Variants in RASGRF2 observed in about 807,000 individuals in gnomAD.
RASGRF2 encodes the protein ras-specific guanine nucleotide-releasing factor 2.
A neutral mutation model predicts 151.0 loss-of-function variants in RASGRF2; 76 were observed. That is an observed-to-expected ratio of 0.50 (90% CI 0.42 to 0.61). RASGRF2 has a LOEUF of 0.61. Among genes scored for constraint, RASGRF2 ranks in the 20% least tolerant of loss-of-function variants. The pLI, the probability that RASGRF2 is intolerant of heterozygous loss-of-function variation, is 0.00. For synonymous variants in RASGRF2, 504 were observed against 566.5 expected (o/e 0.89, Z 1.57); for missense variants, 1,148 against 1,564.6 (o/e 0.73, Z 4.49).
chr5:81,131,491 A>G (rs1753617625), intron 17 of RASGRF2, among the ~76,000 whole-genome samples: 1 of 152,006 alleles, frequency 6.6e-6, no homozygotes, highest in Non-Finnish European at 1.5e-5. Flanking sequence ...AGTAGCTGGG[A>G]CTACAGGTGT....
At chr5:81,063,612 A>G (rs536145377) in intron 2 of RASGRF2, among the ~76,000 whole-genome samples, 24 of 152,166 alleles carry the variant, frequency 1.6e-4, no homozygotes, top group African/African-American at 5.8e-4. Flanking sequence ...CCCACAAGAC[A>G]GATATTAGAC....
intron 1 of RASGRF2, among the ~76,000 whole-genome samples, chr5:81,010,138 A>G (rs1402059421): frequency 6.8e-6 from 1 of 147,958 alleles, no homozygotes; most frequent in Non-Finnish European, 1.5e-5. Flanking sequence ...TGAGTGACAG[A>G]GTGAGATTTC....
intron 18 of RASGRF2, among the ~76,000 whole-genome samples, chr5:81,188,437 G>A (rs1755080023): frequency 6.6e-6 from 1 of 152,098 alleles, no homozygotes; most frequent in South Asian, 2.1e-4. Context: ...CAAGGAGGAC[G>A]AACCATTGAA....
intron 17 of RASGRF2, among the ~76,000 whole-genome samples, chr5:81,144,001 T>G (rs1030142191): frequency 2.6e-5 from 4 of 152,276 alleles, no homozygotes; most frequent in South Asian, 4.1e-4. Flanking sequence ...GTCAGTATTA[T>G]GCAAAGCTGA....
At chr5:81,189,437 G>T (rs1755105933) in intron 18 of RASGRF2, among the ~76,000 whole-genome samples, 1 of 152,014 alleles carries the variant, frequency 6.6e-6, no homozygotes, top group Admixed American at 6.5e-5. Flanking sequence ...GTTGTCTGCT[G>T]CTTCAGCCTT....
chr5:81,225,457 T>A (rs1755951302), intron 26 of RASGRF2, among the ~76,000 whole-genome samples: 1 of 150,628 alleles, frequency 6.6e-6, no homozygotes, highest in Non-Finnish European at 1.5e-5. Flanking sequence ...TAACAGTAGT[T>A]CCTCTTGAGG....
chr5:81,097,241 G>C (rs73127191), intron 12 of RASGRF2, among the ~76,000 whole-genome samples: 4,216 of 152,206 alleles, frequency 0.028, 178 homozygotes, highest in African/African-American at 0.096. Flanking sequence ...GATTACACGC[G>C]TGAGCCACTG....
intron 22 of RASGRF2, among the ~76,000 whole-genome samples, chr5:81,211,218 C>T (rs1755624375): frequency 6.6e-6 from 1 of 151,672 alleles, no homozygotes; most frequent in South Asian, 2.1e-4. Context: ...AGACCAGATG[C>T]CCCATGCTGC....
rs187862149 is a variant in RASGRF2 at position 81,177,083 on chromosome 5, C to G, written c.2687-3092C>G. 5.9e-5 allele frequency among the ~76,000 whole-genome samples: 9 copies of G among 152,248 alleles called. No homozygotes were observed. In the East Asian group the frequency reaches 1.4e-3, roughly 23 times the overall value. ...TGGATGTTACAATCCCAACACCATGCTACTGATAGCCTTCCCTCCCCTCAG... is the reference window on the plus strand; with the variant it reads ...TGGATGTTACAATCCCAACACCATGGTACTGATAGCCTTCCCTCCCCTCAG... On this transcript the variant is annotated intron_variant, in intron 17 of 26. Coordinates refer to ENST00000265080, the MANE Select transcript of RASGRF2 (RefSeq NM_006909.3).
Position 81,212,524 on chromosome 5 carries a change from C to A in RASGRF2, c.3315C>A (p.Ile1105=). 6.2e-7 allele frequency: 1 copy of A among 1,613,040 alleles called. No homozygotes were observed. Residue 1105 remains isoleucine, a synonymous_variant, in exon 23 of 27, where the codon ATC becomes ATA. Coordinates refer to ENST00000265080, the MANE Select transcript of RASGRF2 (RefSeq NM_006909.3). ...EITSALNRSA[I]YRLKKTWAKV... ...CCTCGGCCTTAAACAGAAGTGCCAT[C>A]TACAGGCTGAAGAAAACCTGGGCCA...
At position 81,113,781 on chromosome 5, in the gene RASGRF2, A is replaced by G. The variant is rs377261006; in HGVS notation, c.2331A>G (p.Pro777=). ...TTTTQSPAAS[P]PPHTGQIPLD... Reference sequence around the variant, plus strand: ...CCACCCAGAGTCCCGCTGCGTCTCCACCACCACACACTGGTCAGATACCAC... The same window carrying G: ...CCACCCAGAGTCCCGCTGCGTCTCCGCCACCACACACTGGTCAGATACCAC... Residue 777 remains proline (P), a synonymous_variant, in exon 15 of 27, where the codon CCA becomes CCG. Coordinates refer to ENST00000265080, the MANE Select transcript of RASGRF2 (RefSeq NM_006909.3). The G allele has an allele frequency of 4.1e-5, 66 of 1,613,916 alleles. 1 individual carries two copies. Among genetic ancestry groups the G allele is most frequent in the Non-Finnish European group, 5.2e-5 (61 of 1,179,990 alleles).
intron 15 of RASGRF2, among the ~76,000 whole-genome samples, chr5:81,121,991 G>C (rs1303456560): frequency 6.6e-6 from 1 of 152,138 alleles, no homozygotes; most frequent in African/African-American, 2.4e-5. Context: ...TTTAGCATTT[G>C]TTTTGAGCCA....
chr5:80,991,835 G>T (rs1748661280), intron 1 of RASGRF2, among the ~76,000 whole-genome samples: 1 of 152,186 alleles, frequency 6.6e-6, no homozygotes, highest in South Asian at 2.1e-4. Flanking sequence ...CTTTGCCAGG[G>T]ACAGTGGCTT....
intron 12 of RASGRF2, among the ~76,000 whole-genome samples, chr5:81,099,740 A>G (rs940656267): frequency 6.6e-6 from 1 of 152,154 alleles, no homozygotes; most frequent in African/African-American, 2.4e-5. Flanking sequence ...GTAATTATCA[A>G]TGAGATTAAC....
In RASGRF2 at chr5:81,217,008, G is replaced by A. The variant is rs1221488652; in HGVS notation, c.3435-348G>A. On this transcript the variant is annotated intron_variant, in intron 24 of 26. Coordinates refer to ENST00000265080, the MANE Select transcript of RASGRF2 (RefSeq NM_006909.3). ...TGATTTAAAGAGGTAAGACCATAGA[G>A]GTTTCCCTCCAAGCTTCTACCCCTC... 7 of 457,514 alleles carry A rather than the reference G, an allele frequency of 1.5e-5. No homozygotes were observed. In the Admixed American group the frequency reaches 1.7e-4, roughly 11 times the overall value. 28.3% of individuals were successfully genotyped at this position (457,514 alleles called of 1,614,324 possible). A position where few individuals can be genotyped will look rare whatever the true frequency, so the allele number is the denominator to read the frequency against.
chr5:80,978,425 C>A (rs1023394654), intron 1 of RASGRF2, among the ~76,000 whole-genome samples: 7 of 152,102 alleles, frequency 4.6e-5, no homozygotes, highest in Non-Finnish European at 1.0e-4. Flanking sequence ...ACTATGTATT[C>A]AATTGTTGGA....
chr5:81,027,549 T>G (rs10491487), intron 1 of RASGRF2, among the ~76,000 whole-genome samples: 12,390 of 152,234 alleles, frequency 0.081, 730 homozygotes, highest in East Asian at 0.16. Flanking sequence ...GCCATTTGTT[T>G]TGGTAGTTAC....
chr5:81,040,593 T>C (rs1219083366), intron 1 of RASGRF2, among the ~76,000 whole-genome samples: 1 of 152,238 alleles, frequency 6.6e-6, no homozygotes, highest in Admixed American at 6.5e-5. Flanking sequence ...TGCATGGATC[T>C]TAGCTCCAAC....
chr5:81,120,339 G>A (rs1324115581), intron 15 of RASGRF2, among the ~76,000 whole-genome samples: 2 of 152,298 alleles, frequency 1.3e-5, no homozygotes, highest in South Asian at 2.1e-4. Context: ...CACTTTGGGA[G>A]GCCGAGGTGG....
Sources: gnomAD v4.1 joint callset for allele counts (sites outside exome capture counted in the v4.1 genomes callset) on GRCh38, gnomAD v4.1.1 for gene constraint, MANE v1.5 for transcripts, NCBI Gene and HGNC (gene_info 2026-07-23, HGNC 2026-07-21) for gene names.